Variants in TMEM94 observed in about 807,000 individuals in gnomAD.
The protein encoded by TMEM94 is transmembrane protein 94.
Under a neutral mutation model 158.6 loss-of-function variants are expected in TMEM94, and 81 were observed. The observed-to-expected ratio is 0.51, with a 90% CI of 0.43 to 0.61. The LOEUF is 0.61. Ranked by LOEUF, TMEM94 falls within the 20% of genes least tolerant of loss-of-function variation. The probability of loss-of-function intolerance (pLI) is 0.00; values close to 1 mark genes in which losing one functional copy is unlikely to be tolerated. For synonymous variants in TMEM94, 751 were observed against 730.7 expected (o/e 1.03, Z -0.45); for missense variants, 1,435 against 1,762.0 (o/e 0.81, Z 3.32).
At chr17:75,481,947 C>G (rs190632398) in intron 2 of TMEM94, among the ~76,000 whole-genome samples, 6 of 152,164 alleles carry the variant, frequency 3.9e-5, no homozygotes, top group Admixed American at 6.5e-5. Context: ...TGGTGGCTCA[C>G]GCCTATAATC....
intron 2 of TMEM94, among the ~76,000 whole-genome samples, chr17:75,477,521 T>A (rs2050770738): frequency 1.3e-5 from 2 of 151,716 alleles, no homozygotes; most frequent in Non-Finnish European, 2.9e-5. Context: ...AGTGCTGGGG[T>A]TACAGGCATG....
rs1161018823 is a variant in TMEM94 at position 75,492,530 on chromosome 17, C to T, written c.1653C>T (p.Tyr551=). 7 of 1,613,164 alleles carry T rather than the reference C, an allele frequency of 4.3e-6. No homozygotes were observed. Among genetic ancestry groups the T allele is most frequent in the Non-Finnish European group, 5.9e-6 (7 of 1,179,420 alleles). ...AAGCAGAGGACTTTGTGTGTGACTA[C>T]CACCTGGAGATGCTGAGCCTGTCCC... is the stretch of plus-strand genomic sequence containing the variant. ...PYEAEDFVCD[Y]HLEMLSLSQD... Residue 551 remains tyrosine, a synonymous_variant, in exon 15 of 32, where the codon TAC becomes TAT. Transcript: ENST00000314256. The surrounding 1 kb of genome is among the most constrained non-coding windows in gnomAD (Gnocchi z 4.4).
Position 75,491,661 on chromosome 17 carries a change from G to A in TMEM94, c.1387-30G>A, listed in dbSNP as rs1195246246. Reference sequence around the variant, plus strand: ...CCTCCCCAGGCCATGGGAGCCACTGGTCCTAGCCTGTGCTCCTCATTCTCT... The same window carrying A: ...CCTCCCCAGGCCATGGGAGCCACTGATCCTAGCCTGTGCTCCTCATTCTCT... On this transcript the variant is annotated intron_variant, in intron 13 of 31. Transcript: ENST00000314256. This position sits in a 1 kb window ranked among gnomAD's most constrained non-coding sequence, Gnocchi z 5.1. 6.2e-7 allele frequency: 1 copy of A among 1,609,948 alleles called. No homozygotes were observed.
At chr17:75,470,773 G>A (rs1380893884) in intron 1 of TMEM94, among the ~76,000 whole-genome samples, 2 of 149,040 alleles carry the variant, frequency 1.3e-5, no homozygotes, top group Non-Finnish European at 3.0e-5. Flanking sequence ...ACAAAAATTA[G>A]CCGGGGATGC....
chr17:75,483,726 A>G (rs923332956), intron 2 of TMEM94, among the ~76,000 whole-genome samples: 1 of 152,014 alleles, frequency 6.6e-6, no homozygotes, highest in Admixed American at 6.6e-5. Context: ...CAGCTTCCCA[A>G]AGTGCTGGGA....
Position 75,493,734 on chromosome 17 carries a change from T to C in TMEM94, c.2225T>C (p.Leu742Pro), listed in dbSNP as rs1453715896. The change falls in exon 18 of 32, where the codon CTG becomes CCG. Residue 742 changes from leucine to proline, a missense_variant. By Grantham distance (98) the Leu-to-Pro change is moderately conservative. Coordinates refer to ENST00000314256, the MANE Select transcript of TMEM94 (RefSeq NM_014738.6). ...CTGGACTTCTACCAGCGAGCCTGCC[T>C]GTCTGGGTATTGCTCTGCCTTCGCC... is the stretch of plus-strand genomic sequence containing the variant. ...KVLDFYQRACLSGYCSAFAYK... is the reference protein window; with the variant it reads ...KVLDFYQRACPSGYCSAFAYK... The C allele has an allele frequency of 6.2e-7, 1 of 1,614,116 alleles. No individual in the cohort carries two copies. Among genetic ancestry groups the C allele is most frequent in the Non-Finnish European group, 8.5e-7 (1 of 1,180,018 alleles).
chr17:75,462,236 C>A (rs1298240455), intron 1 of TMEM94, among the ~76,000 whole-genome samples: 8 of 151,728 alleles, frequency 5.3e-5, no homozygotes, highest in African/African-American at 1.9e-4. Context: ...TGGTCTCGAT[C>A]TCTTGACCTC....
At chr17:75,469,479 G>A (rs973714696) in intron 1 of TMEM94, among the ~76,000 whole-genome samples, 1 of 151,226 alleles carries the variant, frequency 6.6e-6, no homozygotes, top group Non-Finnish European at 1.5e-5. Flanking sequence ...TGAGTAGCTG[G>A]GATTACAGGC....
rs1186278194 is a variant in TMEM94 at position 75,485,864 on chromosome 17, T to G, written c.145-7T>G. On this transcript the variant is annotated splice_region_variant and splice_polypyrimidine_tract_variant and intron_variant, in intron 3 of 31. Transcript: ENST00000314256. This position sits in a 1 kb window ranked among gnomAD's most constrained non-coding sequence, Gnocchi z 5.5. ...CTCATTGTCCCCTCCCTGTCCGAAC[T>G]TCCCAGGAGGTGTGGAGAAGCAGCT... 1.2e-6 allele frequency: 2 copies of G among 1,607,590 alleles called. No homozygotes were observed. Among genetic ancestry groups the G allele is most frequent in the Admixed American group, 3.4e-5 (2 of 59,576 alleles).
At position 75,495,741 on chromosome 17, in the gene TMEM94, T is replaced by C; in HGVS notation, c.2944+98T>C. 5 of 1,203,036 alleles carry C rather than the reference T, an allele frequency of 4.2e-6. No homozygotes were observed. The highest frequency in any genetic ancestry group is 6.0e-6 in the Non-Finnish European group (5 of 828,154). The allele number at this position is 1,203,036 out of a possible 1,614,324, so 74.5% of individuals were successfully genotyped here. A position where few individuals can be genotyped will look rare whatever the true frequency, so the allele number is the denominator to read the frequency against. On this transcript the variant is annotated intron_variant, in intron 22 of 31. Transcript: ENST00000314256. This position sits in a 1 kb window ranked among gnomAD's most constrained non-coding sequence, Gnocchi z 5.6. Reference sequence around the variant, plus strand: ...CGTGGGCTCTGGAGGGATGTAGGTTTCCCATGCAGGGAGTAAAGGAACCTG... The same window carrying C: ...CGTGGGCTCTGGAGGGATGTAGGTTCCCCATGCAGGGAGTAAAGGAACCTG...
chr17:75,465,567 A>G (rs1268507684), intron 1 of TMEM94, among the ~76,000 whole-genome samples: 1 of 151,238 alleles, frequency 6.6e-6, no homozygotes, highest in African/African-American at 2.4e-5. Flanking sequence ...AGTAGCTAAG[A>G]CTGCAGGTGT....
chr17:75,462,414 C>G (rs953712596), intron 1 of TMEM94, among the ~76,000 whole-genome samples: 5 of 152,048 alleles, frequency 3.3e-5, no homozygotes, highest in Admixed American at 2.6e-4. Context: ...TTCACATTCT[C>G]TCAGGGTTAG....
intron 2 of TMEM94, among the ~76,000 whole-genome samples, chr17:75,477,086 A>G (rs1275741177): frequency 2.0e-5 from 3 of 152,184 alleles, no homozygotes; most frequent in Admixed American, 1.3e-4. Flanking sequence ...CTCAGGGCCA[A>G]TGAAGGCACT....
At position 75,496,727 on chromosome 17, in the gene TMEM94, T is replaced by C; in HGVS notation, c.3244-3T>C. 1 of 1,613,828 alleles carries C rather than the reference T, an allele frequency of 6.2e-7. No individual in the cohort carries two copies. The highest frequency in any genetic ancestry group is 8.5e-7 in the Non-Finnish European group (1 of 1,179,956). On this transcript the variant is annotated splice_region_variant and splice_polypyrimidine_tract_variant and intron_variant, in intron 24 of 31. Coordinates refer to ENST00000314256, the MANE Select transcript of TMEM94 (RefSeq NM_014738.6). The stretch of plus-strand genomic sequence containing the variant: ...GCCATAATCTGTCCCTCTTGGTCCC[T>C]AGGCTCGGCATGCCACCTATGGCAT...
intron 6 of TMEM94, among the ~76,000 whole-genome samples, 169 bp downstream of exon 6, chr17:75,488,303 G>A (rs1363271559): frequency 1.3e-5 from 2 of 152,072 alleles, no homozygotes; most frequent in Non-Finnish European, 2.9e-5. Flanking sequence ...TTGAAACAGG[G>A]TCTCACCCTG....
intron 1 of TMEM94, among the ~76,000 whole-genome samples, chr17:75,465,687 T>A (rs1316266715): frequency 1.3e-4 from 17 of 127,292 alleles, no homozygotes; most frequent in African/African-American, 6.1e-4. Flanking sequence ...ATATTTTTTT[T>A]TAATCCCAAA....
Position 75,494,663 on chromosome 17 carries a change from T to G in TMEM94, c.2444T>G (p.Met815Arg). The G allele has an allele frequency of 6.2e-7, 1 of 1,613,718 alleles. No homozygotes were observed. The highest frequency in any genetic ancestry group is 1.1e-5 in the South Asian group (1 of 91,082). ...GAGGTGCTGGAGAAGGAAGACTGCATGCAGGCCCTGAGCGGCCAGATCTTC... is the reference window on the plus strand; with the variant it reads ...GAGGTGCTGGAGAAGGAAGACTGCAGGCAGGCCCTGAGCGGCCAGATCTTC... ...IGEVLEKEDC[M>R]QALSGQIFMG... Residue 815 changes from methionine (M) to arginine (R), a missense_variant, in exon 19 of 32, where the codon ATG becomes AGG. Physicochemically the swap from Met to Arg is moderately conservative, Grantham distance 91. Around this residue, in one of 3 missense-constraint regions of TMEM94, gnomAD observed 1,051 missense variants for 1,254.4 expected, o/e 0.84. Transcript: ENST00000314256.
rs1426229950 is a variant in TMEM94, at chr17:75,498,501, T to C, written c.3696T>C (p.Ala1232=). The change falls in exon 29 of 32, where the codon GCT becomes GCC. Residue 1232 remains alanine (A), a synonymous_variant. Transcript: ENST00000314256. This position sits in a 1 kb window ranked among gnomAD's most constrained non-coding sequence, Gnocchi z 6.7. ...ACTTTGCCAATGGACTGCTGTCGGC[T>C]CAGAAGCTCACGGCCGCCCTGATTG... The part of the protein sequence containing the change: ...FEDFANGLLS[A]QKLTAALIVL... 6.3e-7 allele frequency: 1 copy of C among 1,597,470 alleles called. No individual in the cohort carries two copies. The highest frequency in any genetic ancestry group is 2.2e-5 in the East Asian group (1 of 44,726).
In TMEM94 at chr17:75,492,845, CAGT is replaced by C; in HGVS notation, c.1912+58_1912+60del. The C allele has an allele frequency of 6.3e-7, 1 of 1,583,760 alleles. No homozygotes were observed. Among genetic ancestry groups the C allele is most frequent in the African/African-American group, 1.3e-5 (1 of 74,542 alleles). Reference sequence around the variant, plus strand: ...CTGGACCCGCCTCCTAGAAGAGGCCCAGTACCAACTCCTCACGGGACTTAATGG... The same window carrying C: ...CTGGACCCGCCTCCTAGAAGAGGCCCACCAACTCCTCACGGGACTTAATGG... On this transcript the variant is annotated intron_variant, in intron 15 of 31. Coordinates refer to ENST00000314256, the MANE Select transcript of TMEM94 (RefSeq NM_014738.6). The surrounding 1 kb of genome is among the most constrained non-coding windows in gnomAD (Gnocchi z 4.4).
Sources: gnomAD v4.1 joint callset for allele counts (sites outside exome capture counted in the v4.1 genomes callset) on GRCh38, gnomAD v4.1.1 for gene constraint, gnomAD v4.1.1 regional missense constraint, Gnocchi (gnomAD v3.1) non-coding constraint, MANE v1.5 for transcripts, NCBI Gene and HGNC (gene_info 2026-07-23, HGNC 2026-07-21) for gene names.